Variants in ADAMTS17 observed in about 807,000 individuals in gnomAD.
ADAMTS17 encodes A disintegrin and metalloproteinase with thrombospondin motifs 17.
A neutral mutation model predicts 141.5 loss-of-function variants in ADAMTS17; 113 were observed. The ratio of observed to expected loss-of-function variants is 0.80; its 90% confidence interval spans 0.69 to 0.93. The LOEUF (loss-of-function observed/expected upper bound fraction) is 0.93, where lower values mean the gene tolerates loss of function less well. ADAMTS17 is among the 40% of genes least tolerant of loss of function. The probability of loss-of-function intolerance (pLI) is 0.00; values close to 1 mark genes in which losing one functional copy is unlikely to be tolerated. For missense variants in ADAMTS17, 1,659 were observed against 1,517.9 expected, an observed-to-expected ratio of 1.09 and a Z score of -1.54; for synonymous variants, 768 against 630.6, an observed-to-expected ratio of 1.22 and a Z score of -3.27.
chr15:100,292,432 G>A (rs969691785), intron 3 of ADAMTS17, among the ~76,000 whole-genome samples: 6 of 139,062 alleles, frequency 4.3e-5, no homozygotes, highest in African/African-American at 8.3e-5. Flanking sequence ...CACTCACCCC[G>A]TGTTAGAGAC....
chr15:100,129,455 T>C (rs2037919222), intron 12 of ADAMTS17: 1 of 152,320 alleles, frequency 6.6e-6, no homozygotes, highest in Non-Finnish European at 1.5e-5. Flanking sequence ...TAAGAAGTCA[T>C]GCTGGCAGCC....
chr15:100,287,443 A>C (rs2044483370), intron 3 of ADAMTS17, among the ~76,000 whole-genome samples: 1 of 152,208 alleles, frequency 6.6e-6, no homozygotes, highest in Non-Finnish European at 1.5e-5. Flanking sequence ...AGAGAAAGCA[A>C]GCAACAGGGA....
At chr15:100,164,633 G>C (rs1596158465) in intron 8 of ADAMTS17, among the ~76,000 whole-genome samples, 2 of 152,288 alleles carry the variant, frequency 1.3e-5, no homozygotes, top group South Asian at 2.1e-4. Flanking sequence ...TGAAAACTCA[G>C]GTGCTCTCAG....
At chr15:100,144,981 A>T (rs2038832920) in intron 10 of ADAMTS17, among the ~76,000 whole-genome samples, 1 of 152,250 alleles carries the variant, frequency 6.6e-6, no homozygotes, top group Non-Finnish European at 1.5e-5. Flanking sequence ...TTTCAGAAAA[A>T]TAAAAAGCAA....
intron 10 of ADAMTS17, among the ~76,000 whole-genome samples, chr15:100,138,634 C>T (rs8034746): frequency 0.065 from 9,888 of 152,088 alleles, 424 homozygotes; most frequent in African/African-American, 0.11. Context: ...TTAAGAGATC[C>T]GAAGAACCAA....
At chr15:100,277,916 A>C (rs755592486) in intron 4 of ADAMTS17, among the ~76,000 whole-genome samples, 3 of 152,268 alleles carry the variant, frequency 2.0e-5, no homozygotes, top group African/African-American at 7.2e-5. Flanking sequence ...ATGGAAAAGA[A>C]AAAGGTGATG....
chr15:100,250,889 A>G (rs962401154), intron 7 of ADAMTS17, among the ~76,000 whole-genome samples: 6 of 152,172 alleles, frequency 3.9e-5, no homozygotes, highest in African/African-American at 1.4e-4. Flanking sequence ...AATTACTCAA[A>G]ATAAAAATAT....
intron 7 of ADAMTS17, among the ~76,000 whole-genome samples, chr15:100,235,014 T>G (rs1463047497): frequency 2.6e-5 from 4 of 152,126 alleles, no homozygotes; most frequent in African/African-American, 9.6e-5. Context: ...AACAAGGTAA[T>G]TATGTTCACG....
At chr15:100,267,297 T>C (rs2043749347) in intron 4 of ADAMTS17, among the ~76,000 whole-genome samples, 1 of 152,176 alleles carries the variant, frequency 6.6e-6, no homozygotes, top group Non-Finnish European at 1.5e-5. Context: ...CTGTGGCGTG[T>C]GTGGGAATTT....
chr15:100,115,411 G>A (rs973751972), intron 13 of ADAMTS17, among the ~76,000 whole-genome samples: 17 of 152,184 alleles, frequency 1.1e-4, no homozygotes, highest in African/African-American at 3.1e-4. Context: ...AGCTGATGGC[G>A]CAGCTACATT....
chr15:100,213,316 G>A (rs1034501950), intron 7 of ADAMTS17, among the ~76,000 whole-genome samples: 1 of 152,142 alleles, frequency 6.6e-6, no homozygotes, highest in Non-Finnish European at 1.5e-5. Flanking sequence ...ATTTGTTTTG[G>A]GTTGATAAGA....
chr15:100,001,576 C>G (rs1479948769), intron 18 of ADAMTS17, among the ~76,000 whole-genome samples: 5 of 152,130 alleles, frequency 3.3e-5, no homozygotes, highest in African/African-American at 1.2e-4. Context: ...ACGAATGTAG[C>G]ACTCTGGCGG....
chr15:100,209,131 A>AAGG (rs1555483241), intron 7 of ADAMTS17, among the ~76,000 whole-genome samples: 10,269 of 132,508 alleles, frequency 0.077, 368 homozygotes, highest in African/African-American at 0.088. Context: ...AAAAAAAAAA[A>AAGG]AAGGAAGAAA....
At chr15:100,030,118 C>T (rs547279618) in intron 18 of ADAMTS17, among the ~76,000 whole-genome samples, 90 of 152,290 alleles carry the variant, frequency 5.9e-4, no homozygotes, top group African/African-American at 2.1e-3. Flanking sequence ...ACTCACTGGG[C>T]AGGTGCAGCT....
At chr15:99,977,939 G>C (rs2060400133) in intron 20 of ADAMTS17, among the ~76,000 whole-genome samples, 1 of 152,214 alleles carries the variant, frequency 6.6e-6, no homozygotes, top group Non-Finnish European at 1.5e-5. Flanking sequence ...ACAGGGTTCT[G>C]AGAGCAGTCA....
At chr15:100,332,563 C>T (rs1328664777) in intron 2 of ADAMTS17, among the ~76,000 whole-genome samples, 4 of 152,204 alleles carry the variant, frequency 2.6e-5, no homozygotes, top group Non-Finnish European at 4.4e-5. Flanking sequence ...AGTTATTATT[C>T]GTTCAGTCTA....
chr15:100,200,051 G>A (rs2041265939), intron 7 of ADAMTS17, among the ~76,000 whole-genome samples: 1 of 152,258 alleles, frequency 6.6e-6, no homozygotes, highest in Non-Finnish European at 1.5e-5. Context: ...CCCAGAGGAA[G>A]CGGAGCCAGC....
At chr15:100,138,692 T>C (rs552293235) in intron 10 of ADAMTS17, among the ~76,000 whole-genome samples, 2 of 152,090 alleles carry the variant, frequency 1.3e-5, no homozygotes, top group South Asian at 2.1e-4. Flanking sequence ...AAGGAGAGAA[T>C]AGAAAGAGTT....
chr15:100,156,135 GACC>G (rs2039425794), intron 8 of ADAMTS17, among the ~76,000 whole-genome samples: 1 of 152,214 alleles, frequency 6.6e-6, no homozygotes, highest in Non-Finnish European at 1.5e-5. Flanking sequence ...CCAGGTAACG[GACC>G]ACAAGGAAAA....
Sources: allele counts gnomAD v4.1 joint callset (sites outside exome capture counted in the v4.1 genomes callset), GRCh38; gene constraint gnomAD v4.1.1; transcripts MANE v1.5; gene names NCBI Gene and HGNC (gene_info 2026-07-23, HGNC 2026-07-21).